The following AFF3 variants were observed in gnomAD, a reference collection of about 807,000 sequenced individuals.
AFF3 encodes the protein ALF transcription elongation factor 3, also known as AF4/FMR2 family member 3.
AFF3 carries 32 observed loss-of-function variants against 129.7 expected under a neutral mutation model. The observed-to-expected ratio is 0.25, with a 90% CI of 0.19 to 0.33. The LOEUF (loss-of-function observed/expected upper bound fraction) is 0.33, where lower values mean the gene tolerates loss of function less well. Ranked by LOEUF, AFF3 falls within the 10% of genes least tolerant of loss-of-function variation. The probability of loss-of-function intolerance (pLI) is 1.00; values close to 1 mark genes in which losing one functional copy is unlikely to be tolerated. For synonymous variants in AFF3, 644 were observed against 635.4 expected, an observed-to-expected ratio of 1.01 and a Z score of -0.20; for missense variants, 1,373 against 1,592.0, an observed-to-expected ratio of 0.86 and a Z score of 2.34.
chr2:99,749,842 C>T (rs896180176), intron 9 of AFF3, among the ~76,000 whole-genome samples: 3 of 152,060 alleles, frequency 2.0e-5, no homozygotes, highest in Non-Finnish European at 4.4e-5. Flanking sequence ...ATAAACATGT[C>T]GAAAAACAGA....
Position 99,973,233 on chromosome 2 carries a change from G to C in AFF3, c.873+33399C>G, listed in dbSNP as rs113026229. ...TAGACGCACTTACCTCTCTAACTCTGGTCTACGCCTCCTTATCAAGGCACA... is the reference window on the plus strand; with the variant it reads ...TAGACGCACTTACCTCTCTAACTCTCGTCTACGCCTCCTTATCAAGGCACA... On this transcript the variant is annotated intron_variant, in intron 7 of 24. Transcript: ENST00000672756. Among the ~76,000 whole-genome samples the C allele has an allele frequency of 1.9e-3, 288 of 152,132 alleles. 1 individual carries two copies. The highest frequency in any genetic ancestry group is 3.3e-3 in the South Asian group (16 of 4,828).
At chr2:99,975,097 C>T (rs1678746608) in intron 7 of AFF3, among the ~76,000 whole-genome samples, 1 of 143,656 alleles carries the variant, frequency 7.0e-6, no homozygotes, top group African/African-American at 2.8e-5. Context: ...TGCATTCATA[C>T]CCTGGTAATC....
At position 99,869,620 on chromosome 2, in the gene AFF3, G is replaced by A. The variant is rs554848656; in HGVS notation, c.874-32096C>T. Among the ~76,000 whole-genome samples the A allele has an allele frequency of 2.0e-5, 3 of 152,214 alleles. No homozygotes were observed. In the East Asian group the frequency reaches 5.8e-4, roughly 29 times the overall value. The stretch of plus-strand genomic sequence containing the variant: ...GCCCATTTATCTCCAGCCCAGTACA[G>A]CCACTATTGTGCGTCCTTTCAAGGG... On this transcript the variant is annotated intron_variant, in intron 7 of 24. Coordinates refer to ENST00000672756, the MANE Select transcript of AFF3 (RefSeq NM_001386135.1).
intron 4 of AFF3, among the ~76,000 whole-genome samples, chr2:100,084,593 C>T (rs1298373631): frequency 1.3e-5 from 2 of 151,910 alleles, no homozygotes. Flanking sequence ...GATCATTACA[C>T]GTCGTATGCA....
At chr2:99,965,381 T>C (rs953450773) in intron 7 of AFF3, among the ~76,000 whole-genome samples, 1 of 152,230 alleles carries the variant, frequency 6.6e-6, no homozygotes, top group Non-Finnish European at 1.5e-5. Flanking sequence ...ATCTGCACCA[T>C]GGAGGAAGAA....
At chr2:99,710,698 T>C (rs1261276660) in intron 11 of AFF3, among the ~76,000 whole-genome samples, 1 of 152,228 alleles carries the variant, frequency 6.6e-6, no homozygotes, top group African/African-American at 2.4e-5. Context: ...TGTGAAAGTT[T>C]GGTCACCTGC....
chr2:99,780,374 C>G (rs986306329), intron 8 of AFF3, among the ~76,000 whole-genome samples: 1 of 152,212 alleles, frequency 6.6e-6, no homozygotes, highest in Non-Finnish European at 1.5e-5. Flanking sequence ...CTCTTAGCTT[C>G]TCCTTCCCAG....
At chr2:99,995,379 CTT>C (rs202207607) in intron 7 of AFF3, among the ~76,000 whole-genome samples, 1 of 146,794 alleles carries the variant, frequency 6.8e-6, no homozygotes, top group Non-Finnish European at 1.5e-5. Flanking sequence ...TCATCTATTC[CTT>C]TTTTTTTTTG....
intron 8 of AFF3, among the ~76,000 whole-genome samples, chr2:99,783,825 C>A (rs1036342343): frequency 3.9e-5 from 6 of 152,150 alleles, no homozygotes; most frequent in African/African-American, 9.7e-5. Flanking sequence ...ATGACAGGGC[C>A]CCCCTGGAAA....
chr2:99,942,560 G>T (rs555414862), intron 7 of AFF3, among the ~76,000 whole-genome samples: 2 of 147,758 alleles, frequency 1.4e-5, no homozygotes, highest in African/African-American at 5.0e-5. Flanking sequence ...GGGGGGGGTC[G>T]CGGCACAGGG....
chr2:100,103,523 G>A (rs1238676157), intron 4 of AFF3, among the ~76,000 whole-genome samples: 1 of 144,412 alleles, frequency 6.9e-6, no homozygotes, highest in Non-Finnish European at 1.6e-5. Context: ...GGGGGTTGGG[G>A]GGAGCAGAGA....
At chr2:99,866,337 T>C (rs1056875758) in intron 7 of AFF3, among the ~76,000 whole-genome samples, 5 of 152,180 alleles carry the variant, frequency 3.3e-5, no homozygotes, top group Non-Finnish European at 7.3e-5. Flanking sequence ...GGGTTTCCCA[T>C]AGACTCTCCA....
At chr2:100,047,131 G>A (rs1216235006) in intron 4 of AFF3, among the ~76,000 whole-genome samples, 1 of 152,216 alleles carries the variant, frequency 6.6e-6, no homozygotes, top group Non-Finnish European at 1.5e-5. Flanking sequence ...ACGGCCACGT[G>A]GAGCCAATGG....
intron 7 of AFF3, among the ~76,000 whole-genome samples, chr2:99,879,098 C>T (rs980556811): frequency 2.6e-5 from 4 of 152,098 alleles, no homozygotes; most frequent in Admixed American, 1.3e-4. Flanking sequence ...AAAAAAATTC[C>T]GGAGCTGATC....
chr2:99,736,573 A>C (rs1171857106), intron 10 of AFF3, among the ~76,000 whole-genome samples: 8 of 151,910 alleles, frequency 5.3e-5, no homozygotes, highest in Admixed American at 5.3e-4. Context: ...TTTGTTATTG[A>C]ATCATTGCAT....
chr2:100,046,392 A>T (rs1020641528), intron 4 of AFF3, among the ~76,000 whole-genome samples: 2 of 152,144 alleles, frequency 1.3e-5, no homozygotes, highest in Non-Finnish European at 2.9e-5. Context: ...CCTCTCAAGT[A>T]AATAGTCAAT....
chr2:99,760,604 C>T (rs1240982325), intron 8 of AFF3, among the ~76,000 whole-genome samples: 1 of 152,150 alleles, frequency 6.6e-6, no homozygotes, highest in Non-Finnish European at 1.5e-5. Flanking sequence ...TAGCCATGGT[C>T]CTCACCCCTG....
rs1028124913 is a variant in AFF3 at position 99,742,336 on chromosome 2, C to G, written c.1039+1768G>C. Among the ~76,000 whole-genome samples, 5 of 151,934 alleles carry G rather than the reference C, an allele frequency of 3.3e-5. No homozygotes were observed. In the East Asian group the frequency reaches 9.7e-4, roughly 29 times the overall value. On this transcript the variant is annotated intron_variant, in intron 10 of 24. Transcript: ENST00000672756. ...TCTAGCCTGGGCAACAGAGCAAGACCTTGTCTCAAGAAAATGAAATTAAAA... is the reference window on the plus strand; with the variant it reads ...TCTAGCCTGGGCAACAGAGCAAGACGTTGTCTCAAGAAAATGAAATTAAAA...
At chr2:99,970,843 C>G (rs931476029) in intron 7 of AFF3, among the ~76,000 whole-genome samples, 2 of 152,212 alleles carry the variant, frequency 1.3e-5, no homozygotes, top group African/African-American at 4.8e-5. Context: ...CGCACCTTTG[C>G]TCTACCTCCC....
Sources: allele counts gnomAD v4.1 joint callset (sites outside exome capture counted in the v4.1 genomes callset), GRCh38; gene constraint gnomAD v4.1.1; transcripts MANE v1.5; gene names NCBI Gene and HGNC (gene_info 2026-07-23, HGNC 2026-07-21).